Variants in CACNA1D observed in about 807,000 individuals in gnomAD.
CACNA1D encodes calcium voltage-gated channel subunit alpha1 D.
CACNA1D carries 55 observed loss-of-function variants against 257.1 expected under a neutral mutation model. The ratio of observed to expected loss-of-function variants is 0.21; its 90% confidence interval spans 0.17 to 0.27. The LOEUF (loss-of-function observed/expected upper bound fraction) is 0.27. Among genes scored for constraint, CACNA1D ranks in the 10% least tolerant of loss-of-function variants. The pLI, the probability that CACNA1D is intolerant of heterozygous loss-of-function variation, is 1.00. For missense variants in CACNA1D, 1,876 were observed against 2,784.0 expected, an observed-to-expected ratio of 0.67 and a Z score of 7.34; for synonymous variants, 980 against 1,014.9, an observed-to-expected ratio of 0.97 and a Z score of 0.65.
chr3:53,589,804 A>G (rs1052998782), intron 3 of CACNA1D, among the ~76,000 whole-genome samples: 2 of 152,094 alleles, frequency 1.3e-5, no homozygotes, highest in East Asian at 3.9e-4. Flanking sequence ...TGGATGTCCC[A>G]TCTAACACTC....
At chr3:53,714,601 C>T (rs1418918073) in intron 9 of CACNA1D, among the ~76,000 whole-genome samples, 1 of 152,186 alleles carries the variant, frequency 6.6e-6, no homozygotes, top group Non-Finnish European at 1.5e-5. Context: ...AGTAAACCAG[C>T]ACTGGTAGAT....
chr3:53,747,715 C>T (rs554805527), intron 26 of CACNA1D, among the ~76,000 whole-genome samples: 1 of 152,348 alleles, frequency 6.6e-6, no homozygotes, highest in East Asian at 1.9e-4. Flanking sequence ...GTCCCATGAA[C>T]TCCCATTGGA....
Position 53,504,425 on chromosome 3 carries a change from T to C in CACNA1D, c.483+2705T>C, listed in dbSNP as rs539592954. On this transcript the variant is annotated intron_variant, in intron 3 of 47. Transcript: ENST00000350061. The stretch of plus-strand genomic sequence containing the variant: ...TCCAATGTGTCTTTGTTCTAGATAG[T>C]ATGTAACTCAGCTAGTTTTGGGATT... 3.1e-3 allele frequency among the ~76,000 whole-genome samples: 475 copies of C among 152,322 alleles called. 4 individuals are homozygous for C. Among genetic ancestry groups the C allele is most frequent in the Middle Eastern group, 0.01 (3 of 294 alleles).
chr3:53,804,944 G>A (rs377268078), intron 44 of CACNA1D, 39 bp from the exon 45 acceptor site: 2 of 1,599,730 alleles, frequency 1.3e-6, no homozygotes, highest in South Asian at 2.2e-5. Flanking sequence ...GACAGAGCTT[G>A]TTACCTAGAA....
chr3:53,762,280 C>A (rs924639783), intron 30 of CACNA1D, among the ~76,000 whole-genome samples, 199 bp downstream of exon 30: 1 of 152,244 alleles, frequency 6.6e-6, no homozygotes, highest in African/African-American at 2.4e-5. Context: ...TTTGTAGACA[C>A]AAATCACCTT....
chr3:53,554,444 C>T (rs984798249), intron 3 of CACNA1D, among the ~76,000 whole-genome samples: 1 of 152,204 alleles, frequency 6.6e-6, no homozygotes. Flanking sequence ...ACTCTCCAGG[C>T]CTTTCTGCCA....
chr3:53,746,192 G>A (rs1170183848), intron 25 of CACNA1D, among the ~76,000 whole-genome samples: 2 of 152,108 alleles, frequency 1.3e-5, no homozygotes, highest in Non-Finnish European at 2.9e-5. Context: ...ATAAATGATG[G>A]GAGTTGGGGG....
intron 14 of CACNA1D, 28 bp from the exon 15 acceptor site, chr3:53,726,851 G>A: frequency 2.5e-6 from 4 of 1,614,136 alleles, no homozygotes; most frequent in Non-Finnish European, 3.4e-6. Flanking sequence ...GAATCCACCT[G>A]CTGGCTGATA....
rs2095382629 is a variant in CACNA1D, at chr3:53,774,104, T to C, written c.4111-483T>C. The C allele has an allele frequency of 5.7e-6, 1 of 176,076 alleles. No individual in the cohort carries two copies. The highest frequency in any genetic ancestry group is 1.4e-4 in the South Asian group (1 of 7,264). 10.9% of individuals were successfully genotyped at this position (176,076 alleles called of 1,614,324 possible). On this transcript the variant is annotated intron_variant, in intron 33 of 47. Transcript: ENST00000350061. This position sits in a 1 kb window ranked among gnomAD's most constrained non-coding sequence, Gnocchi z 4.3. ...TCACACGTTATTTTCATTCCCTCGG[T>C]ATCTATGCTGTCACCCTGCTCCTAT... is the stretch of plus-strand genomic sequence containing the variant.
intron 3 of CACNA1D, among the ~76,000 whole-genome samples, chr3:53,603,536 G>A (rs1230099507): frequency 6.6e-6 from 1 of 152,144 alleles, no homozygotes; most frequent in African/African-American, 2.4e-5. Flanking sequence ...ATTACACTGT[G>A]AAATCATTTG....
intron 9 of CACNA1D, 83 bp downstream of exon 9, chr3:53,702,893 AC>A: frequency 6.7e-7 from 1 of 1,485,142 alleles, no homozygotes; most frequent in Non-Finnish European, 9.3e-7. Flanking sequence ...CTCGACTCTG[AC>A]CCAGGCTGTG....
chr3:53,807,204 A>G (rs1418840555), intron 45 of CACNA1D, among the ~76,000 whole-genome samples: 2 of 152,018 alleles, frequency 1.3e-5, no homozygotes, highest in African/African-American at 4.8e-5. Flanking sequence ...CAGGAGAGGG[A>G]CCGCTGCTCT....
Position 53,810,065 on chromosome 3 carries a change from A to AC in CACNA1D, c.5963dup (p.Pro1989SerfsTer102). 6.2e-7 allele frequency: 1 copy of AC among 1,613,022 alleles called. No homozygotes were observed. Among genetic ancestry groups the AC allele is most frequent in the Non-Finnish European group, 8.5e-7 (1 of 1,179,816 alleles). On this transcript the variant is annotated frameshift_variant, in exon 47 of 48. Coordinates refer to ENST00000350061, the MANE Select transcript of CACNA1D (RefSeq NM_001128840.3). LOFTEE classifies it high-confidence loss of function. Reference sequence around the variant, plus strand: ...CCGGTCGTGGGCCACCCCTCCAGCAACCCCTCCCTACCGGGACTGGACACC... The same window carrying AC: ...CCGGTCGTGGGCCACCCCTCCAGCAACCCCCTCCCTACCGGGACTGGACACC...
chr3:53,507,450 G>A (rs564599543), intron 3 of CACNA1D, among the ~76,000 whole-genome samples: 13 of 144,180 alleles, frequency 9.0e-5, no homozygotes, highest in African/African-American at 2.5e-4. Context: ...GTCTCCCCCC[G>A]CCAAAAAAAA....
At chr3:53,594,662 AG>A in intron 3 of CACNA1D, among the ~76,000 whole-genome samples, 1 of 152,396 alleles carries the variant, frequency 6.6e-6, no homozygotes, top group East Asian at 1.9e-4. Context: ...AGAGGCTTCA[AG>A]GCAGAAAGAA....
chr3:53,702,294 G>A (rs1038594715), intron 8 of CACNA1D, among the ~76,000 whole-genome samples: 15 of 152,200 alleles, frequency 9.9e-5, no homozygotes, highest in East Asian at 3.9e-4. Flanking sequence ...AAAGTGGGGC[G>A]TCTCTGAGTT....
intron 3 of CACNA1D, among the ~76,000 whole-genome samples, chr3:53,586,678 C>T (rs1010505286): frequency 6.6e-6 from 1 of 152,106 alleles, no homozygotes; most frequent in Non-Finnish European, 1.5e-5. Context: ...CCTGTTATTC[C>T]TAGTACCTCT....
At chr3:53,687,948 G>C (rs2094487465) in intron 8 of CACNA1D, among the ~76,000 whole-genome samples, 1 of 152,188 alleles carries the variant, frequency 6.6e-6, no homozygotes. Flanking sequence ...GTCACCAAGA[G>C]TACAGAGCAA....
At chr3:53,524,485 G>C (rs1222767675) in intron 3 of CACNA1D, among the ~76,000 whole-genome samples, 1 of 152,212 alleles carries the variant, frequency 6.6e-6, no homozygotes, top group Non-Finnish European at 1.5e-5. Flanking sequence ...GCAGTTTACA[G>C]AAGATTTGCA....
Sources: gnomAD v4.1 joint callset for allele counts (sites outside exome capture counted in the v4.1 genomes callset) on GRCh38, gnomAD v4.1.1 for gene constraint, Gnocchi (gnomAD v3.1) non-coding constraint, MANE v1.5 for transcripts, NCBI Gene and HGNC (gene_info 2026-07-23, HGNC 2026-07-21) for gene names.